PBX4: variants seen among roughly 807,000 people sequenced by gnomAD.
PBX4 encodes the protein PBX homeobox 4.
A neutral mutation model predicts 35.1 loss-of-function variants in PBX4; 26 were observed. That is an observed-to-expected ratio of 0.74 (90% confidence interval 0.54 to 1.03). PBX4 has a LOEUF of 1.03. PBX4 is among the 50% of genes least tolerant of loss of function. The pLI, the probability that PBX4 is intolerant of heterozygous loss-of-function variation, is 0.00. For missense variants in PBX4, 448 were observed against 504.3 expected, an observed-to-expected ratio of 0.89 and a Z score of 1.07; for synonymous variants, 199 against 204.2, an observed-to-expected ratio of 0.97 and a Z score of 0.22.
intron 2 of PBX4, among the ~76,000 whole-genome samples, chr19:19,580,655 A>G (rs2061448406): frequency 6.6e-6 from 1 of 152,228 alleles, no homozygotes; most frequent in Non-Finnish European, 1.5e-5. Context: ...ATTTGTAGTG[A>G]GAGTGTTTCC....
intron 5 of PBX4, among the ~76,000 whole-genome samples, chr19:19,569,241 G>A (rs999289641): frequency 5.3e-5 from 8 of 152,014 alleles, no homozygotes; most frequent in African/African-American, 1.9e-4. Flanking sequence ...TAAATTTTTT[G>A]TAGAGACAGT....
At chr19:19,607,114 C>G (rs1204444543) in intron 1 of PBX4, among the ~76,000 whole-genome samples, 3 of 152,110 alleles carry the variant, frequency 2.0e-5, no homozygotes, top group African/African-American at 7.2e-5. Flanking sequence ...AATGCAGTGG[C>G]ATGATCTCAG....
intron 2 of PBX4, among the ~76,000 whole-genome samples, chr19:19,591,850 A>T (rs989471291): frequency 2.0e-5 from 3 of 152,108 alleles, no homozygotes; most frequent in African/African-American, 7.2e-5. Flanking sequence ...AATGTGACAA[A>T]CCTTATTTTT....
At chr19:19,567,068 C>A (rs2061346932) in intron 5 of PBX4, among the ~76,000 whole-genome samples, 1 of 152,214 alleles carries the variant, frequency 6.6e-6, no homozygotes, top group South Asian at 2.1e-4. Flanking sequence ...GGATCCCTGT[C>A]TGTGTGCTCT....
chr19:19,570,906 A>C (rs1005215632), intron 2 of PBX4, 73 bp from the exon 3 acceptor site: 16 of 1,570,570 alleles, frequency 1.0e-5, no homozygotes, highest in Non-Finnish European at 1.4e-5. Context: ...AAATGTGAGC[A>C]CTGGTGTTAT....
Position 19,602,914 on chromosome 19 carries a change from C to A in PBX4, c.120-3549G>T, listed in dbSNP as rs117524079. The stretch of plus-strand genomic sequence containing the variant: ...CTTCATTTAATGCTCACACACAAAG[C>A]CAATAATTTCCCAGCCCTAAATCAC... On this transcript the variant is annotated intron_variant, in intron 1 of 7. Coordinates refer to ENST00000251203, the MANE Select transcript of PBX4 (RefSeq NM_025245.3). Among the ~76,000 whole-genome samples, 1,118 of 152,248 alleles carry A rather than the reference C, an allele frequency of 7.3e-3. 4 individuals are homozygous for A. Among genetic ancestry groups the A allele is most frequent in the Non-Finnish European group, 0.012 (805 of 68,022 alleles).
rs1249792389 is a variant in PBX4 at position 19,572,070 on chromosome 19, C to CTTTTTTT, written c.194-1244_194-1238dup. ...AAAAAAGTGTTCTCTTAGAATCAGG[C>CTTTTTTT]TTTTTTTTTTTTTTTTTTTTTTGAG... On this transcript the variant is annotated intron_variant, in intron 2 of 7. Coordinates refer to ENST00000251203, the MANE Select transcript of PBX4 (RefSeq NM_025245.3). Among the ~76,000 whole-genome samples the CTTTTTTT allele has an allele frequency of 5.5e-4, 38 of 69,128 alleles. 1 individual carries two copies. Among genetic ancestry groups the CTTTTTTT allele is most frequent in the African/African-American group, 7.5e-4 (13 of 17,410 alleles). The allele number at this position is 69,128 out of a possible 152,430, so 45.4% of individuals were successfully genotyped here. A position where few individuals can be genotyped will look rare whatever the true frequency, so the allele number is the denominator to read the frequency against.
At chr19:19,568,681 GA>G (rs2061360404) in intron 5 of PBX4, among the ~76,000 whole-genome samples, 1 of 149,846 alleles carries the variant, frequency 6.7e-6, no homozygotes, top group Admixed American at 6.7e-5. Flanking sequence ...ATCCCTCAGG[GA>G]GCTCATACTC....
intron 1 of PBX4, among the ~76,000 whole-genome samples, chr19:19,614,255 C>A (rs902520905): frequency 2.0e-5 from 3 of 152,094 alleles, no homozygotes; most frequent in Non-Finnish European, 2.9e-5. Flanking sequence ...TCACTTGAAC[C>A]TGGGAAGCAG....
chr19:19,616,677 T>TTTA lies in PBX4; in HGVS notation c.119+1831_119+1833dup, dbSNP rs537340155. 6.6e-3 allele frequency among the ~76,000 whole-genome samples: 994 copies of TTTA among 151,694 alleles called. 6 individuals are homozygous for TTTA. The highest frequency in any genetic ancestry group is 0.014 in the Middle Eastern group (4 of 288). ...CCATGTAATTGGGTTCCAGTCTCCC[T>TTTA]TTATTATTATTATTATTTTTTGTTC... On this transcript the variant is annotated intron_variant, in intron 1 of 7. Transcript: ENST00000251203.
intron 2 of PBX4, among the ~76,000 whole-genome samples, chr19:19,571,381 A>G (rs756921673): frequency 1.3e-5 from 2 of 152,220 alleles, no homozygotes; most frequent in Non-Finnish European, 1.5e-5. Flanking sequence ...AAAGTGCCAG[A>G]AAAGATGAAA....
intron 2 of PBX4, among the ~76,000 whole-genome samples, chr19:19,596,884 C>T (rs1032731005): frequency 3.4e-5 from 5 of 147,782 alleles, no homozygotes; most frequent in Non-Finnish European, 5.9e-5. Context: ...GCCCTCCAGC[C>T]TGGGTGACAG....
rs974034364 is a variant in PBX4, at chr19:19,609,481, G to A, written c.119+9030C>T. Reference sequence around the variant, plus strand: ...GGAGAATCGCTTGAACCCGGGAGGCGGAAGTTGTGGTGAGCCGAAATCGCG... The same window carrying A: ...GGAGAATCGCTTGAACCCGGGAGGCAGAAGTTGTGGTGAGCCGAAATCGCG... On this transcript the variant is annotated intron_variant, in intron 1 of 7. Coordinates refer to ENST00000251203, the MANE Select transcript of PBX4 (RefSeq NM_025245.3). Among the ~76,000 whole-genome samples, 6 of 148,310 alleles carry A rather than the reference G, an allele frequency of 4.0e-5. 1 individual carries two copies. The highest frequency in any genetic ancestry group is 5.0e-5 in the African/African-American group (2 of 39,704).
At chr19:19,599,403 A>G (rs369215479) in intron 1 of PBX4, 38 bp from the exon 2 acceptor site, 2 of 1,541,938 alleles carry the variant, frequency 1.3e-6, no homozygotes, top group African/African-American at 1.4e-5. Context: ...TGAGAAAAGA[A>G]TAGTCATCAT....
chr19:19,609,049 C>A (rs561370666), intron 1 of PBX4, among the ~76,000 whole-genome samples: 65 of 152,270 alleles, frequency 4.3e-4, no homozygotes, highest in African/African-American at 1.4e-3. Context: ...CTGTAAAGCC[C>A]GAGCCTGACT....
chr19:19,587,582 C>T (rs1435121417), intron 2 of PBX4, among the ~76,000 whole-genome samples: 5 of 136,934 alleles, frequency 3.7e-5, no homozygotes, highest in Admixed American at 1.5e-4. Flanking sequence ...AGCAAGACTC[C>T]GTCTCAAATT....
chr19:19,569,439 A>T lies in PBX4; in HGVS notation c.768+10T>A. 6.2e-6 allele frequency: 10 copies of T among 1,607,422 alleles called. No homozygotes were observed. The highest frequency in any genetic ancestry group is 8.5e-6 in the Non-Finnish European group (10 of 1,177,688). ...CAGGCGTGGCGAGACGTGGCAGGAGAGAACGTCACCTGGGAGATGGTGAGG... is the reference window on the plus strand; with the variant it reads ...CAGGCGTGGCGAGACGTGGCAGGAGTGAACGTCACCTGGGAGATGGTGAGG... On this transcript the variant is annotated intron_variant, in intron 5 of 7. Transcript: ENST00000251203.
intron 2 of PBX4, among the ~76,000 whole-genome samples, chr19:19,583,953 C>T (rs553870946): frequency 1.3e-5 from 2 of 152,304 alleles, no homozygotes; most frequent in East Asian, 3.9e-4. Flanking sequence ...CCTGTAATCC[C>T]AGCTACTCGG....
At chr19:19,595,668 G>C (rs1221690187) in intron 2 of PBX4, among the ~76,000 whole-genome samples, 2 of 151,784 alleles carry the variant, frequency 1.3e-5, no homozygotes, top group African/African-American at 4.8e-5. Flanking sequence ...TGGCCCCGTC[G>C]GGAGGATGAC....
Sources: gnomAD v4.1 joint callset for allele counts (sites outside exome capture counted in the v4.1 genomes callset) on GRCh38, gnomAD v4.1.1 for gene constraint, MANE v1.5 for transcripts, NCBI Gene and HGNC (gene_info 2026-07-23, HGNC 2026-07-21) for gene names.